CLMN: variants seen among roughly 807,000 people sequenced by gnomAD.
CLMN encodes the protein calmin (calponin-like, transmembrane).
In CLMN, 57 loss-of-function variants were observed where a neutral mutation model predicts 92.7. The ratio of observed to expected loss-of-function variants is 0.61; its 90% CI spans 0.50 to 0.77. CLMN has a LOEUF of 0.77. Ranked by LOEUF, CLMN falls within the 30% of genes least tolerant of loss-of-function variation. The probability of loss-of-function intolerance (pLI) is 0.00; values close to 1 mark genes in which losing one functional copy is unlikely to be tolerated. For synonymous variants in CLMN, 466 were observed against 470.6 expected (o/e 0.99, Z 0.13); for missense variants, 1,158 against 1,237.5 (o/e 0.94, Z 0.96).
At chr14:95,250,494 T>C (rs1898738714) in intron 1 of CLMN, among the ~76,000 whole-genome samples, 3 of 152,116 alleles carry the variant, frequency 2.0e-5, no homozygotes, top group Admixed American at 2.0e-4. Flanking sequence ...CAGAGAAAAA[T>C]AATTCAAGAT....
chr14:95,214,143 G>A (rs1287085960), intron 5 of CLMN, among the ~76,000 whole-genome samples: 1 of 151,920 alleles, frequency 6.6e-6, no homozygotes, highest in Non-Finnish European at 1.5e-5. Context: ...GGTCATGAGG[G>A]CAGGGCCTTT....
At chr14:95,253,152 C>T (rs547026156) in intron 1 of CLMN, among the ~76,000 whole-genome samples, 1 of 152,272 alleles carries the variant, frequency 6.6e-6, no homozygotes, top group East Asian at 1.9e-4. Flanking sequence ...AGCTCCATGC[C>T]CACTGTGGCC....
intron 1 of CLMN, among the ~76,000 whole-genome samples, chr14:95,318,379 C>T (rs564025059): frequency 1.8e-4 from 28 of 152,264 alleles, no homozygotes; most frequent in Middle Eastern, 3.4e-3. Flanking sequence ...GAGATCAGAG[C>T]GGCCCAGAGC....
intron 1 of CLMN, among the ~76,000 whole-genome samples, chr14:95,262,479 A>G (rs1384832920): frequency 6.6e-6 from 1 of 152,218 alleles, no homozygotes. Context: ...GTTATGTGTC[A>G]GGCAGGCACT....
chr14:95,203,262 C>T lies in CLMN; in HGVS notation c.2087G>A (p.Ser696Asn). The T allele has an allele frequency of 6.2e-7, 1 of 1,614,034 alleles. No individual in the cohort carries two copies. Residue 696 changes from serine (S) to asparagine (N), a missense_variant, in exon 9 of 13, where the codon AGC becomes AAC. Ser to Asn is a conservative substitution (Grantham distance 46, BLOSUM62 1). Transcript: ENST00000298912. ...LSSSPPSSCV[S>N]LETLGSHSEE... ...GCTGTGACTCCCAAGGGTCTCCAAG[C>T]TGACACAGCTGCTTGGGGGGCTGGA...
At chr14:95,234,271 C>T (rs1008556180) in intron 1 of CLMN, among the ~76,000 whole-genome samples, 4 of 152,172 alleles carry the variant, frequency 2.6e-5, no homozygotes, top group Non-Finnish European at 4.4e-5. Flanking sequence ...CAGTTTCCTC[C>T]GTCCCCAGGG....
rs1896529752 is a variant in CLMN at position 95,190,275 on chromosome 14, C to G, written c.*1289G>C. ...AAGTTTCCTACAAGGGGTGACAGCTCTGGACAGGGCATCAGGTGCCTGTGT... is the reference window on the plus strand; with the variant it reads ...AAGTTTCCTACAAGGGGTGACAGCTGTGGACAGGGCATCAGGTGCCTGTGT... On this transcript the variant is annotated 3_prime_UTR_variant, in exon 13 of 13. Coordinates refer to ENST00000298912, the MANE Select transcript of CLMN (RefSeq NM_024734.4). 6.6e-6 allele frequency: 1 copy of G among 152,254 alleles called. No individual in the cohort carries two copies. Among genetic ancestry groups the G allele is most frequent in the African/African-American group, 2.4e-5 (1 of 41,446 alleles). The allele number at this position is 152,254 out of a possible 1,614,324, so 9.4% of individuals were successfully genotyped here.
chr14:95,236,349 C>T (rs112525367), intron 1 of CLMN, among the ~76,000 whole-genome samples: 4,094 of 152,312 alleles, frequency 0.027, 93 homozygotes, highest in Non-Finnish European at 0.042. Context: ...CTCTGGCCTC[C>T]CAGCTTTCCT....
At chr14:95,226,279 A>G (rs1333878724) in intron 2 of CLMN, among the ~76,000 whole-genome samples, 1 of 152,190 alleles carries the variant, frequency 6.6e-6, no homozygotes, top group Non-Finnish European at 1.5e-5. Flanking sequence ...ATAATACCTA[A>G]TTCAGTGTAA....
chr14:95,233,554 G>A lies in CLMN; in HGVS notation c.83-3421C>T, dbSNP rs145617316. Among the ~76,000 whole-genome samples, 560 of 152,328 alleles carry A rather than the reference G, an allele frequency of 3.7e-3. 2 individuals carry two copies. Among genetic ancestry groups the A allele is most frequent in the Middle Eastern group, 0.01 (3 of 294 alleles). On this transcript the variant is annotated intron_variant, in intron 1 of 12. Transcript: ENST00000298912. ...AGGCTCTCTGGGCAAAACCAGAGAT[G>A]AAGAATTAAGCATTCATGGAATCTG...
chr14:95,224,345 C>T (rs1013104258), intron 2 of CLMN, among the ~76,000 whole-genome samples: 1 of 152,020 alleles, frequency 6.6e-6, no homozygotes, highest in Admixed American at 6.6e-5. Flanking sequence ...TGCAGTGGCA[C>T]AATTTTGGCT....
chr14:95,306,505 G>GCACA (rs1901284278), intron 1 of CLMN, among the ~76,000 whole-genome samples: 3 of 152,128 alleles, frequency 2.0e-5, no homozygotes, highest in Admixed American at 6.6e-5. Flanking sequence ...GACCACACCT[G>GCACA]GGTGACAGAG....
intron 1 of CLMN, among the ~76,000 whole-genome samples, chr14:95,317,599 GA>G (rs371392935): frequency 0.17 from 21,977 of 131,440 alleles, 1,923 homozygotes; most frequent in Non-Finnish European, 0.23. Flanking sequence ...ACAATGCTGG[GA>G]AAAAAAAAAA....
rs1282376464 is a variant in CLMN, at chr14:95,210,731, T to C, written c.757A>G (p.Ile253Val). The C allele has an allele frequency of 4.3e-6, 7 of 1,610,840 alleles. No individual in the cohort carries two copies. The East Asian group carries it at 6.8e-5, about 16-fold the overall frequency. ...GGGATGTGCAGGGCATCCTGTGCGA[T>C]GCTGAAAGCCTTCTCTAGATTTTCT... Reference protein sequence around the residue: ...TRENLEKAFSIAQDALHIPRL... With the variant: ...TRENLEKAFSVAQDALHIPRL... Residue 253 changes from isoleucine (I) to valine (V), a missense_variant, in exon 7 of 13, where the codon ATC (isoleucine) becomes GTC (valine). Physicochemically the swap from Ile to Val is conservative, Grantham distance 29 (BLOSUM62 3). Coordinates refer to ENST00000298912, the MANE Select transcript of CLMN (RefSeq NM_024734.4).
rs573893932 is a variant in CLMN, at chr14:95,259,027, GTGTT to G, written c.83-28898_83-28895del. Among the ~76,000 whole-genome samples the G allele has an allele frequency of 2.2e-4, 33 of 150,542 alleles. No individual in the cohort carries two copies. The highest frequency in any genetic ancestry group is 1.3e-3 in the Admixed American group (19 of 15,136). ...TATGTATGTGTGATATGTGTTGTGT[GTGTT>G]TGTGTGGTGTGGTGTGTGGAGAATG... is the stretch of plus-strand genomic sequence containing the variant. On this transcript the variant is annotated intron_variant, in intron 1 of 12. Transcript: ENST00000298912. The surrounding 1 kb of genome is among the most constrained non-coding windows in gnomAD (Gnocchi z 4.3).
intron 1 of CLMN, among the ~76,000 whole-genome samples, chr14:95,284,313 T>C (rs758286777): frequency 2.6e-5 from 4 of 152,290 alleles, no homozygotes; most frequent in African/African-American, 4.8e-5. Flanking sequence ...AGGGCCCTCA[T>C]GGAAAACCTC....
intron 1 of CLMN, among the ~76,000 whole-genome samples, chr14:95,281,177 A>T (rs1187270812): frequency 1.3e-5 from 2 of 152,210 alleles, no homozygotes; most frequent in Non-Finnish European, 2.9e-5. Flanking sequence ...TGAGATGAGA[A>T]ACATTTATCC....
intron 1 of CLMN, among the ~76,000 whole-genome samples, chr14:95,245,187 TATATATAA>T (rs1161797251): frequency 2.4e-4 from 9 of 37,676 alleles, no homozygotes; most frequent in African/African-American, 7.4e-4. Context: ...TATATATATA[TATATATAA>T]TATATATATA....
chr14:95,237,238 GCA>G (rs1898085446), intron 1 of CLMN, among the ~76,000 whole-genome samples: 1 of 152,238 alleles, frequency 6.6e-6, no homozygotes, highest in Non-Finnish European at 1.5e-5. Context: ...TCACGGCCAT[GCA>G]CAGAGGCCCT....
Sources: gnomAD v4.1 joint callset for allele counts (sites outside exome capture counted in the v4.1 genomes callset) on GRCh38, gnomAD v4.1.1 for gene constraint, Gnocchi (gnomAD v3.1) non-coding constraint, MANE v1.5 for transcripts, NCBI Gene and HGNC (gene_info 2026-07-23, HGNC 2026-07-21) for gene names.